The following MKKS variants were observed in gnomAD, a reference collection of about 807,000 sequenced individuals.
The protein encoded by MKKS is MKKS centrosomal shuttling protein.
In MKKS, 29 loss-of-function variants were observed where a neutral mutation model predicts 33.2. The observed-to-expected ratio is 0.87, with a 90% CI of 0.65 to 1.19. The LOEUF is 1.19. MKKS is among the 50% of genes most tolerant of loss of function. The pLI is 0.00. For synonymous variants in MKKS, 260 were observed against 244.0 expected, an observed-to-expected ratio of 1.07 and a Z score of -0.61; for missense variants, 661 against 662.3, an observed-to-expected ratio of 1.00 and a Z score of 0.02.
chr20:10,431,413 G>T (rs1463430704), intron 1 of MKKS, among the ~76,000 whole-genome samples: 4 of 152,052 alleles, frequency 2.6e-5, no homozygotes, highest in African/African-American at 9.7e-5. Context: ...ACTAGCCTCA[G>T]GGGGGAACTA....
intron 3 of MKKS, among the ~76,000 whole-genome samples, chr20:10,409,690 C>T (rs931076658): frequency 3.3e-5 from 5 of 151,884 alleles, no homozygotes; most frequent in Admixed American, 2.6e-4. Context: ...TCTAAAATGT[C>T]GGCCGGGTGT....
rs1407580854 is a variant in MKKS at position 10,403,055 on chromosome 20, A to C, written c.*2192T>G. ...AGGGCTATACTCAACTCAAGGTTCCACTGGGGAGAACCTGCTTCCAAATTC... is the reference window on the plus strand; with the variant it reads ...AGGGCTATACTCAACTCAAGGTTCCCCTGGGGAGAACCTGCTTCCAAATTC... On this transcript the variant is annotated 3_prime_UTR_variant, in exon 6 of 6. Coordinates refer to ENST00000347364, the MANE Select transcript of MKKS (RefSeq NM_170784.3). The C allele has an allele frequency of 6.6e-6, 1 of 152,190 alleles. No homozygotes were observed. Among genetic ancestry groups the C allele is most frequent in the African/African-American group, 2.4e-5 (1 of 41,456 alleles). The allele number at this position is 152,190 out of a possible 1,614,324, so 9.4% of individuals were successfully genotyped here.
In MKKS at chr20:10,419,624, C is replaced by T. The variant is rs73896548; in HGVS notation, c.-418+904G>A. ...TAAAGTTCAATTTATAAATTAGGCA[C>T]AATACTCCTGTGCTTTGGGTACATT... On this transcript the variant is annotated intron_variant, in intron 2 of 5. Transcript: ENST00000347364. 4.3e-3 allele frequency among the ~76,000 whole-genome samples: 648 copies of T among 152,222 alleles called. 6 individuals carry two copies. The highest frequency in any genetic ancestry group is 0.015 in the African/African-American group (618 of 41,530).
chr20:10,431,385 T>C (rs2065052675), intron 1 of MKKS, among the ~76,000 whole-genome samples: 1 of 152,272 alleles, frequency 6.6e-6, no homozygotes, highest in South Asian at 2.1e-4. Context: ...TTAGTGTCTA[T>C]TAGGTGCTAG....
In MKKS at chr20:10,404,118, C is replaced by G. The variant is rs2064825286; in HGVS notation, c.*1129G>C. On this transcript the variant is annotated 3_prime_UTR_variant, in exon 6 of 6. Coordinates refer to ENST00000347364, the MANE Select transcript of MKKS (RefSeq NM_170784.3). ...ATTCATGTGGCTGCCTTCTATATTT[C>G]TTCTTCAATTTATCAATACATCTTA... The G allele has an allele frequency of 6.6e-6, 1 of 152,134 alleles. No individual in the cohort carries two copies. The highest frequency in any genetic ancestry group is 6.5e-5 in the Admixed American group (1 of 15,270). 9.4% of individuals were successfully genotyped at this position (152,134 alleles called of 1,614,324 possible). A position where few individuals can be genotyped will look rare whatever the true frequency, so the allele number is the denominator to read the frequency against.
Position 10,431,326 on chromosome 20 carries a change from C to T in MKKS, c.-649+2782G>A, listed in dbSNP as rs115623205. Among the ~76,000 whole-genome samples, 513 of 151,808 alleles carry T rather than the reference C, an allele frequency of 3.4e-3. 5 individuals carry two copies. The highest frequency in any genetic ancestry group is 0.012 in the African/African-American group (477 of 41,138). ...CACATTCACAATATTTAGGGATTAG[C>T]AATTTTCACTTCAAATATGTACAAG... On this transcript the variant is annotated intron_variant, in intron 1 of 5. Coordinates refer to ENST00000347364, the MANE Select transcript of MKKS (RefSeq NM_170784.3).
At chr20:10,414,063 A>C (rs2064918448) in intron 2 of MKKS, 132 bp from the exon 3 acceptor site, 1 of 372,512 alleles carries the variant, frequency 2.7e-6, no homozygotes, top group African/African-American at 2.1e-5. Context: ...AAACGTCCAG[A>C]AAATGAGAAA....
At position 10,413,590 on chromosome 20, in the gene MKKS, T is replaced by C; in HGVS notation, c.-76A>G. 3.4e-6 allele frequency: 5 copies of C among 1,482,026 alleles called. 1 individual carries two copies. In the South Asian group the frequency reaches 4.6e-5, roughly 14 times the overall value. The allele number at this position is 1,482,026 out of a possible 1,614,324, so 91.8% of individuals were successfully genotyped here. On this transcript the variant is annotated 5_prime_UTR_variant, in exon 3 of 6. Transcript: ENST00000347364. Reference sequence around the variant, plus strand: ...TTTTTCTATTTATTGCATTATCACGTTTTAACATTAAAAATTATTCTTTAG... The same window carrying C: ...TTTTTCTATTTATTGCATTATCACGCTTTAACATTAAAAATTATTCTTTAG...
rs1264521596 is a variant in MKKS at position 10,402,950 on chromosome 20, GATTTTGTGGGTTAGGAACCAAC to G, written c.*2275_*2296del. ...TTAAAACAACATTTATTATCTCACA[GATTTTGTGGGTTAGGAACCAAC>G]CTGGGAGTAGCTTAGCTGGCTTTTT... On this transcript the variant is annotated 3_prime_UTR_variant, in exon 6 of 6. Transcript: ENST00000347364. The G allele has an allele frequency of 6.6e-6, 1 of 152,224 alleles. No homozygotes were observed. Among genetic ancestry groups the G allele is most frequent in the African/African-American group, 2.4e-5 (1 of 41,452 alleles). 9.4% of individuals were successfully genotyped at this position (152,224 alleles called of 1,614,324 possible). A position where few individuals can be genotyped will look rare whatever the true frequency, so the allele number is the denominator to read the frequency against.
At chr20:10,428,625 G>A (rs1204437442) in intron 1 of MKKS, among the ~76,000 whole-genome samples, 3 of 152,136 alleles carry the variant, frequency 2.0e-5, no homozygotes, top group Non-Finnish European at 4.4e-5. Flanking sequence ...GATCACTTGA[G>A]GTCAGGATTT....
intron 1 of MKKS, among the ~76,000 whole-genome samples, chr20:10,427,021 A>ACACACACACAG (rs879320265): frequency 8.7e-6 from 1 of 114,724 alleles, no homozygotes; most frequent in Non-Finnish European, 1.9e-5. Context: ...CCAAGAAAAG[A>ACACACACACAG]AAACACTGAC....
chr20:10,427,739 A>G (rs1024032081), intron 1 of MKKS, among the ~76,000 whole-genome samples: 4 of 152,208 alleles, frequency 2.6e-5, no homozygotes, highest in African/African-American at 9.7e-5. Context: ...TATCACCTAA[A>G]ATAACACTCA....
At position 10,404,671 on chromosome 20, in the gene MKKS, G is replaced by A. The variant is rs1555801382; in HGVS notation, c.*576C>T. On this transcript the variant is annotated 3_prime_UTR_variant, in exon 6 of 6. Transcript: ENST00000347364. ...TTCCCCAAAATAACAAAAATGTGGA[G>A]TTGTGATATAAACTACAAATTGCAG... The A allele has an allele frequency of 6.6e-6, 1 of 152,194 alleles. No homozygotes were observed. The highest frequency in any genetic ancestry group is 1.9e-4 in the East Asian group (1 of 5,182). 9.4% of individuals were successfully genotyped at this position (152,194 alleles called of 1,614,324 possible).
At chr20:10,412,320 G>A (rs1283243781) in intron 3 of MKKS, among the ~76,000 whole-genome samples, 2 of 152,154 alleles carry the variant, frequency 1.3e-5, no homozygotes, top group Non-Finnish European at 2.9e-5. Context: ...TTAGGGGGCT[G>A]AAAATACATA....
chr20:10,423,703 G>C (rs1007937671), intron 1 of MKKS, among the ~76,000 whole-genome samples: 1 of 152,136 alleles, frequency 6.6e-6, no homozygotes, highest in African/African-American at 2.4e-5. Context: ...TAAAAGAAAT[G>C]CTCAATTTTA....
chr20:10,405,351 G>C lies in MKKS; in HGVS notation c.1609C>G (p.Leu537Val). The change falls in exon 6 of 6, where the codon CTG (leucine) becomes GTG (valine). Residue 537 changes from leucine to valine, a missense_variant. Leu to Val is a conservative substitution (Grantham distance 32). Coordinates refer to ENST00000347364, the MANE Select transcript of MKKS (RefSeq NM_170784.3). ...PHEAVGSASN[L>V]TLDCLTAKLS... is the part of the protein sequence containing the mutation. ...TTTGCAGTCAAACAGTCCAAGGTCA[G>C]GTTGCTGGCTGAGCCCACAGCTTCA... 1 of 1,614,210 alleles carries C rather than the reference G, an allele frequency of 6.2e-7. No homozygotes were observed. The highest frequency in any genetic ancestry group is 8.5e-7 in the Non-Finnish European group (1 of 1,180,034).
At chr20:10,420,845 T>C (rs895157247) in intron 1 of MKKS, 87 bp from the exon 2 acceptor site, 46 of 152,230 alleles carry the variant, frequency 3.0e-4, no homozygotes, top group African/African-American at 1.1e-3. Context: ...ACAAGTAGCA[T>C]GCTGTACTCT....
At chr20:10,421,695 C>T (rs2064981574) in intron 1 of MKKS, among the ~76,000 whole-genome samples, 1 of 152,006 alleles carries the variant, frequency 6.6e-6, no homozygotes. Context: ...AAAACCCTAA[C>T]TTACAGGGTT....
At chr20:10,408,559 C>T (rs1272649205) in intron 4 of MKKS, 69 bp downstream of exon 4, 4 of 1,535,048 alleles carry the variant, frequency 2.6e-6, no homozygotes, top group South Asian at 1.1e-5. Flanking sequence ...AAAAAAAAAT[C>T]ATAATAACTA....
Sources: gnomAD v4.1 joint callset for allele counts (sites outside exome capture counted in the v4.1 genomes callset) on GRCh38, gnomAD v4.1.1 for gene constraint, MANE v1.5 for transcripts, NCBI Gene and HGNC (gene_info 2026-07-23, HGNC 2026-07-21) for gene names.